The following RARB variants were observed in gnomAD, a reference collection of about 807,000 sequenced individuals.
The protein encoded by RARB is retinoic acid receptor beta.
A neutral mutation model predicts 51.9 loss-of-function variants in RARB; 17 were observed. That is an observed-to-expected ratio of 0.33 (90% CI 0.22 to 0.49). The LOEUF is 0.49. RARB is among the 20% of genes least tolerant of loss of function. The probability of loss-of-function intolerance (pLI) is 0.99; values close to 1 mark genes in which losing one functional copy is unlikely to be tolerated. For missense variants in RARB, 369 were observed against 550.8 expected, an observed-to-expected ratio of 0.67 and a Z score of 3.30; for synonymous variants, 215 against 195.4, an observed-to-expected ratio of 1.10 and a Z score of -0.84.
At chr3:24,901,994 A>G (rs1703617775) in intron 2 of RARB, among the ~76,000 whole-genome samples, 1 of 151,274 alleles carries the variant, frequency 6.6e-6, no homozygotes, top group African/African-American at 2.4e-5. Flanking sequence ...CAATATATAT[A>G]AAATATAAAT....
At chr3:24,993,042 A>G (rs1696947361) in intron 2 of RARB, among the ~76,000 whole-genome samples, 1 of 152,228 alleles carries the variant, frequency 6.6e-6, no homozygotes, top group Non-Finnish European at 1.5e-5. Flanking sequence ...AAAAAATATT[A>G]GAAATCTATA....
intron 2 of RARB, among the ~76,000 whole-genome samples, chr3:25,055,548 T>C (rs1317113804): frequency 6.6e-6 from 1 of 152,140 alleles, no homozygotes; most frequent in Non-Finnish European, 1.5e-5. Flanking sequence ...CTACCCATTA[T>C]CCTTACTCTT....
At chr3:25,431,343 G>T (rs1317163492) in intron 1 of RARB, among the ~76,000 whole-genome samples, 1 of 152,038 alleles carries the variant, frequency 6.6e-6, no homozygotes, top group Non-Finnish European at 1.5e-5. Flanking sequence ...CACTTTGAAA[G>T]GTGTTAAAAT....
intron 4 of RARB, among the ~76,000 whole-genome samples, chr3:25,574,471 C>A (rs1700841110): frequency 6.6e-6 from 1 of 152,180 alleles, no homozygotes; most frequent in Non-Finnish European, 1.5e-5. Flanking sequence ...GAGCCACATG[C>A]CCAGGTTCTG....
At chr3:25,174,360 C>G (rs760525811) in exon 5 of RARB, 2 of 1,344,508 alleles carry the variant, frequency 1.5e-6, no homozygotes, top group Admixed American at 3.8e-5. Flanking sequence ...TGATGTGTTC[C>G]TGCTCCAGAG....
chr3:25,199,304 G>C (rs1701331439), intron 5 of RARB, among the ~76,000 whole-genome samples: 1 of 151,886 alleles, frequency 6.6e-6, no homozygotes, highest in South Asian at 2.1e-4. Flanking sequence ...GCTGGGAAAG[G>C]TCGTTGAAGG....
chr3:25,490,430 A>G (rs1373437614), intron 2 of RARB, among the ~76,000 whole-genome samples: 1 of 152,226 alleles, frequency 6.6e-6, no homozygotes, highest in Non-Finnish European at 1.5e-5. Flanking sequence ...CCAGCATGTT[A>G]TGGTAGAGCC....
intron 2 of RARB, among the ~76,000 whole-genome samples, chr3:24,944,703 A>G (rs1017911500): frequency 5.9e-5 from 9 of 152,206 alleles, no homozygotes; most frequent in African/African-American, 2.2e-4. Flanking sequence ...TCCTCGGGTG[A>G]CTTGCTTTGC....
intron 2 of RARB, among the ~76,000 whole-genome samples, chr3:24,906,288 G>A (rs145582043): frequency 5.1e-4 from 77 of 152,244 alleles, no homozygotes; most frequent in African/African-American, 1.8e-3. Flanking sequence ...ATGATGGCTG[G>A]GTTTAGAGAA....
chr3:24,942,998 G>C (rs2125401079), intron 2 of RARB, among the ~76,000 whole-genome samples: 1 of 152,246 alleles, frequency 6.6e-6, no homozygotes. Context: ...AATAAGAATT[G>C]AATGAAAAAT....
intron 2 of RARB, among the ~76,000 whole-genome samples, chr3:25,028,243 G>A (rs1164819547): frequency 6.6e-6 from 1 of 152,196 alleles, no homozygotes; most frequent in Non-Finnish European, 1.5e-5. Flanking sequence ...CTTTGTAAAT[G>A]AGGCCCTGTC....
intron 5 of RARB, among the ~76,000 whole-genome samples, chr3:25,272,824 T>TG (rs1246230717): frequency 6.6e-6 from 1 of 152,194 alleles, no homozygotes. Flanking sequence ...CCAGCCCTCT[T>TG]GCTGACTAGT....
intron 2 of RARB, among the ~76,000 whole-genome samples, chr3:25,025,546 TA>T (rs1657245249): frequency 6.6e-6 from 1 of 152,140 alleles, no homozygotes; most frequent in African/African-American, 2.4e-5. Flanking sequence ...AAGTAGAAAC[TA>T]TAAGTTACAG....
intron 5 of RARB, among the ~76,000 whole-genome samples, chr3:25,216,878 C>T (rs1701846545): frequency 6.6e-6 from 1 of 152,054 alleles, no homozygotes. Context: ...TCTTGTTTCC[C>T]TTGGCTGAGA....
At chr3:25,121,506 C>G (rs1699782261) in intron 3 of RARB, among the ~76,000 whole-genome samples, 1 of 152,104 alleles carries the variant, frequency 6.6e-6, no homozygotes, top group African/African-American at 2.4e-5. Context: ...AGAAAAATAT[C>G]CCACACCAGT....
chr3:25,527,592 A>C (rs896730551), intron 3 of RARB, among the ~76,000 whole-genome samples: 1 of 152,226 alleles, frequency 6.6e-6, no homozygotes, highest in Non-Finnish European at 1.5e-5. Flanking sequence ...ATGTTCATAC[A>C]TGCTTGTACA....
At chr3:24,998,616 A>G (rs139222219) in intron 2 of RARB, among the ~76,000 whole-genome samples, 1 of 152,254 alleles carries the variant, frequency 6.6e-6, no homozygotes, top group East Asian at 1.9e-4. Context: ...CTAAGGAGTT[A>G]TGTCTAGTTC....
intron 2 of RARB, among the ~76,000 whole-genome samples, chr3:24,908,171 CT>C (rs1351958580): frequency 6.6e-6 from 1 of 152,174 alleles, no homozygotes; most frequent in Non-Finnish European, 1.5e-5. Context: ...AGAAAAAGCA[CT>C]GATTCTTGTT....
intron 4 of RARB, among the ~76,000 whole-genome samples, chr3:25,157,102 A>T (rs1425052897): frequency 6.6e-6 from 1 of 152,242 alleles, no homozygotes; most frequent in East Asian, 1.9e-4. Context: ...GCATGTAAAC[A>T]TACATCTGAT....
Sources: allele counts gnomAD v4.1 joint callset (sites outside exome capture counted in the v4.1 genomes callset), GRCh38; gene constraint gnomAD v4.1.1; transcripts MANE v1.5; gene names NCBI Gene and HGNC (gene_info 2026-07-23, HGNC 2026-07-21).